DTHD1: variants seen among roughly 807,000 people sequenced by gnomAD.
The protein encoded by DTHD1 is death domain-containing protein 1.
Under a neutral mutation model 74.8 loss-of-function variants are expected in DTHD1, and 59 were observed. The ratio of observed to expected loss-of-function variants is 0.79; its 90% confidence interval spans 0.64 to 0.98. The LOEUF (loss-of-function observed/expected upper bound fraction) is 0.98, where lower values mean the gene tolerates loss of function less well. Ranked by LOEUF, DTHD1 falls within the 50% of genes least tolerant of loss-of-function variation. The pLI is 0.00. For synonymous variants in DTHD1, 365 were observed against 371.1 expected (o/e 0.98, Z 0.19); for missense variants, 1,051 against 1,065.4 (o/e 0.99, Z 0.19).
chr4:36,302,163 C>T (rs961037823), intron 5 of DTHD1, among the ~76,000 whole-genome samples: 6 of 152,192 alleles, frequency 3.9e-5, no homozygotes, highest in Admixed American at 2.0e-4. Flanking sequence ...AACTATTGCC[C>T]GAATAGTGGC....
intron 1 of DTHD1, among the ~76,000 whole-genome samples, chr4:36,282,387 C>T (rs1246523046): frequency 6.6e-6 from 1 of 152,098 alleles, no homozygotes; most frequent in Non-Finnish European, 1.5e-5. Context: ...TAGTAGGATC[C>T]AAGACTTAGA....
intron 3 of DTHD1, among the ~76,000 whole-genome samples, chr4:36,292,624 C>G (rs1560788712): frequency 6.6e-6 from 1 of 152,178 alleles, no homozygotes; most frequent in Admixed American, 6.5e-5. Context: ...CCTGAATTTT[C>G]CCAGAGACAG....
At chr4:36,297,733 T>C (rs769194115) in intron 5 of DTHD1, among the ~76,000 whole-genome samples, 2 of 152,138 alleles carry the variant, frequency 1.3e-5, no homozygotes, top group Non-Finnish European at 2.9e-5. Context: ...GATATTAAAC[T>C]GTACCTCAAG....
chr4:36,302,905 C>T (rs75076293), intron 5 of DTHD1, among the ~76,000 whole-genome samples: 2,121 of 152,166 alleles, frequency 0.014, 50 homozygotes, highest in African/African-American at 0.047. Context: ...TAAATATCTA[C>T]GCATCATGAA....
Position 36,308,219 on chromosome 4 carries a change from C to T in DTHD1, c.1821C>T (p.His607=), listed in dbSNP as rs937962562. 2.6e-6 allele frequency: 4 copies of T among 1,552,220 alleles called. No homozygotes were observed. Among genetic ancestry groups the T allele is most frequent in the East Asian group, 2.4e-5 (1 of 40,928 alleles). ...TTCCATGCAGGTTTATTGTACTTCA[C>T]CTCTCTTCCACCATGGACAATAGTC... ...YEHLERFIVL[H]LSSTMDNSHL... is the part of the protein sequence containing the mutation. The change falls in exon 7 of 10, where the codon CAC becomes CAT. Residue 607 remains histidine, a synonymous_variant. Transcript: ENST00000639862.
intron 2 of DTHD1, among the ~76,000 whole-genome samples, chr4:36,288,664 A>C (rs1169035135): frequency 6.6e-6 from 1 of 152,176 alleles, no homozygotes; most frequent in Non-Finnish European, 1.5e-5. Context: ...CCACTGGTCT[A>C]TGTGTCTATT....
At chr4:36,299,976 A>G (rs1048933154) in intron 5 of DTHD1, among the ~76,000 whole-genome samples, 3 of 152,132 alleles carry the variant, frequency 2.0e-5, no homozygotes, top group African/African-American at 7.2e-5. Context: ...TCTAAAAAAA[A>G]AGTTCTACTT....
chr4:36,305,500 T>A (rs1235542663), intron 5 of DTHD1, among the ~76,000 whole-genome samples: 1 of 152,128 alleles, frequency 6.6e-6, no homozygotes, highest in Non-Finnish European at 1.5e-5. Flanking sequence ...GATTCAATTA[T>A]CTCCTACCAG....
chr4:36,314,747 G>GT (rs747523259), intron 7 of DTHD1, among the ~76,000 whole-genome samples: 5,227 of 97,958 alleles, frequency 0.053, 238 homozygotes, highest in Middle Eastern at 0.08. Context: ...AACAATCTGA[G>GT]TTTTTTTTTT....
intron 5 of DTHD1, among the ~76,000 whole-genome samples, chr4:36,300,677 T>C (rs533552863): frequency 2.4e-4 from 32 of 134,628 alleles, no homozygotes; most frequent in African/African-American, 7.3e-4. Context: ...AATTTGTGTA[T>C]TAAATTTATG....
Position 36,345,588 on chromosome 4 carries a change from C to T in DTHD1, c.*1764C>T, listed in dbSNP as rs1759547177. ...AAAAAAGGCGATTCCCATTTTCAAACATAGTCCCATAAAGGAATATTTTAT... is the reference window on the plus strand; with the variant it reads ...AAAAAAGGCGATTCCCATTTTCAAATATAGTCCCATAAAGGAATATTTTAT... On this transcript the variant is annotated 3_prime_UTR_variant, in exon 10 of 10. Transcript: ENST00000639862. 1 of 152,116 alleles carries T rather than the reference C, an allele frequency of 6.6e-6. No homozygotes were observed. The highest frequency in any genetic ancestry group is 2.4e-5 in the African/African-American group (1 of 41,416). The allele number at this position is 152,116 out of a possible 1,614,324, so 9.4% of individuals were successfully genotyped here. A position where few individuals can be genotyped will look rare whatever the true frequency, so the allele number is the denominator to read the frequency against.
Position 36,308,413 on chromosome 4 carries a change from C to T in DTHD1, c.2015C>T (p.Pro672Leu), listed in dbSNP as rs900726166. 5 of 1,551,836 alleles carry T rather than the reference C, an allele frequency of 3.2e-6. No individual in the cohort carries two copies. Among genetic ancestry groups the T allele is most frequent in the Non-Finnish European group, 4.4e-6 (5 of 1,147,022 alleles). Reference sequence around the variant, plus strand: ...CTGCACTTGGAAGGGTTTGGAGGACCTCCAGAGCCATCTCGTCATTTCCAA... The same window carrying T: ...CTGCACTTGGAAGGGTTTGGAGGACTTCCAGAGCCATCTCGTCATTTCCAA... Reference protein sequence around the residue: ...KDLHLEGFGGPPEPSRHFQVR... With the variant: ...KDLHLEGFGGLPEPSRHFQVR... The change falls in exon 7 of 10, where the codon CCT becomes CTT. Residue 672 changes from proline (P) to leucine (L), a missense_variant. Physicochemically the swap from Pro to Leu is moderately conservative, Grantham distance 98. Coordinates refer to ENST00000639862, the MANE Select transcript of DTHD1 (RefSeq NM_001170700.3).
intron 2 of DTHD1, among the ~76,000 whole-genome samples, chr4:36,286,653 T>G (rs1755730010): frequency 6.6e-6 from 1 of 152,232 alleles, no homozygotes; most frequent in Non-Finnish European, 1.5e-5. Context: ...GGTGATTTTG[T>G]CAATTGTGCA....
intron 9 of DTHD1, among the ~76,000 whole-genome samples, chr4:36,340,454 G>A (rs1227244748): frequency 6.6e-6 from 1 of 152,188 alleles, no homozygotes; most frequent in African/African-American, 2.4e-5. Flanking sequence ...GATGCTCGGA[G>A]TTAGGAACAT....
At chr4:36,288,083 A>T (rs1755824695) in intron 2 of DTHD1, among the ~76,000 whole-genome samples, 2 of 151,980 alleles carry the variant, frequency 1.3e-5, no homozygotes, top group Non-Finnish European at 1.5e-5. Context: ...GGTTTTTCTG[A>T]TGTTATCTTT....
chr4:36,308,537 C>A, intron 7 of DTHD1, 44 bp downstream of exon 7: 1 of 1,455,570 alleles, frequency 6.9e-7, no homozygotes, highest in Non-Finnish European at 9.2e-7. Context: ...TGGCTATAAG[C>A]CACAAGCTCT....
chr4:36,324,841 G>A (rs1758248768), intron 8 of DTHD1, among the ~76,000 whole-genome samples: 1 of 152,212 alleles, frequency 6.6e-6, no homozygotes, highest in Admixed American at 6.5e-5. Flanking sequence ...TGAATAGTAA[G>A]ATGTTAAATG....
intron 2 of DTHD1, among the ~76,000 whole-genome samples, chr4:36,287,675 T>A (rs552129683): frequency 2.0e-4 from 30 of 152,280 alleles, no homozygotes; most frequent in African/African-American, 6.7e-4. Context: ...ATTATGGCCA[T>A]TCTTGCAGGA....
chr4:36,293,472 A>T (rs922065693), intron 3 of DTHD1, 54 bp from the exon 4 acceptor site: 10 of 1,358,920 alleles, frequency 7.4e-6, no homozygotes, highest in Non-Finnish European at 9.7e-6. Context: ...CTATACAGCA[A>T]ATATTTTTCA....
Sources: allele counts gnomAD v4.1 joint callset (sites outside exome capture counted in the v4.1 genomes callset), GRCh38; gene constraint gnomAD v4.1.1; transcripts MANE v1.5; gene names NCBI Gene and HGNC (gene_info 2026-07-23, HGNC 2026-07-21).